Variants in POU2F1 observed in about 807,000 individuals in gnomAD.
POU2F1 encodes the protein POU class 2 homeobox 1, also known as POU domain, class 2, transcription factor 1.
A neutral mutation model predicts 84.9 loss-of-function variants in POU2F1; 16 were observed. The observed-to-expected ratio is 0.19, with a 90% CI of 0.13 to 0.29. The LOEUF (loss-of-function observed/expected upper bound fraction) is 0.29. Ranked by LOEUF, POU2F1 falls within the 10% of genes least tolerant of loss-of-function variation. The probability of loss-of-function intolerance (pLI) is 1.00; values close to 1 mark genes in which losing one functional copy is unlikely to be tolerated. For missense variants in POU2F1, 738 were observed against 942.6 expected (o/e 0.78, Z 2.84); for synonymous variants, 368 against 368.3 (o/e 1.00, Z 0.01).
intron 5 of POU2F1, among the ~76,000 whole-genome samples, chr1:167,372,508 C>A (rs1245708894): frequency 6.6e-6 from 1 of 152,172 alleles, no homozygotes; most frequent in African/African-American, 2.4e-5. Flanking sequence ...CTGCAACTTA[C>A]CGTATGGCCT....
At chr1:167,373,761 AC>A (rs1400977140) in intron 5 of POU2F1, among the ~76,000 whole-genome samples, 1 of 151,814 alleles carries the variant, frequency 6.6e-6, no homozygotes, top group Non-Finnish European at 1.5e-5. Context: ...CATTCATCTG[AC>A]TAATCACTTG....
intron 1 of POU2F1, among the ~76,000 whole-genome samples, chr1:167,261,522 A>G (rs1438377450): frequency 6.6e-6 from 1 of 152,252 alleles, no homozygotes; most frequent in East Asian, 1.9e-4. Flanking sequence ...AGGGGAACAC[A>G]TTGTTTTAGA....
At chr1:167,286,401 A>G (rs1557869352) in intron 1 of POU2F1, among the ~76,000 whole-genome samples, 1 of 151,778 alleles carries the variant, frequency 6.6e-6, no homozygotes, top group South Asian at 2.1e-4. Context: ...TTCCATTCCT[A>G]CTCTCCTGTT....
At chr1:167,291,359 A>T (rs985375045) in intron 1 of POU2F1, among the ~76,000 whole-genome samples, 1 of 152,218 alleles carries the variant, frequency 6.6e-6, no homozygotes, top group African/African-American at 2.4e-5. Flanking sequence ...TTTGATTCTA[A>T]ATCTAATGAT....
chr1:167,377,927 AT>A (rs1377436526), intron 7 of POU2F1, among the ~76,000 whole-genome samples: 1 of 151,670 alleles, frequency 6.6e-6, no homozygotes, highest in African/African-American at 2.4e-5. Flanking sequence ...TATGCACCAC[AT>A]TTTTTTTAAT....
At chr1:167,332,620 G>C in intron 2 of POU2F1, 85 bp downstream of exon 2, 10 of 1,082,846 alleles carry the variant, frequency 9.2e-6, no homozygotes, top group East Asian at 2.4e-5. Flanking sequence ...CTTGTATTTG[G>C]CAAATACAGA....
chr1:167,365,534 C>T lies in POU2F1; in HGVS notation c.195C>T (p.Ala65=), dbSNP rs1260601046. The T allele has an allele frequency of 7.5e-6, 12 of 1,601,696 alleles. No individual in the cohort carries two copies. The highest frequency in any genetic ancestry group is 1.0e-5 in the Non-Finnish European group (12 of 1,174,582). ...PVPVGGAIST[A]QAQAFLGHLH... is the part of the protein sequence containing the mutation. ...CTGTAGGAGGAGCAATCTCAACAGC[C>T]CAGGCGCAGGCTTTCCTTGGACATC... The change falls in exon 3 of 16, where the codon GCC becomes GCT. Residue 65 remains alanine, a synonymous_variant. Transcript: ENST00000367866.
At chr1:167,320,625 A>G (rs868693099) in intron 1 of POU2F1, among the ~76,000 whole-genome samples, 3 of 152,118 alleles carry the variant, frequency 2.0e-5, no homozygotes, top group Non-Finnish European at 2.9e-5. Context: ...TAGCAATTTG[A>G]TCCAAATAAG....
intron 3 of POU2F1, among the ~76,000 whole-genome samples, chr1:167,367,820 A>C (rs916403567): frequency 7.3e-5 from 11 of 151,058 alleles, no homozygotes; most frequent in African/African-American, 2.7e-4. Context: ...ATGAGGTCTT[A>C]TTATGTTGCC....
At chr1:167,222,023 C>A (rs1044609584) in intron 1 of POU2F1, among the ~76,000 whole-genome samples, 2 of 152,158 alleles carry the variant, frequency 1.3e-5, no homozygotes, top group South Asian at 4.1e-4. Flanking sequence ...CGCTGCCCCC[C>A]CTCCGTTCCC....
chr1:167,320,102 T>A (rs1362723576), intron 1 of POU2F1, among the ~76,000 whole-genome samples: 2 of 150,334 alleles, frequency 1.3e-5, no homozygotes, highest in Non-Finnish European at 2.9e-5. Flanking sequence ...TACTCCTAAC[T>A]GCTGTTTGCA....
At chr1:167,293,881 G>A (rs184660057) in intron 1 of POU2F1, among the ~76,000 whole-genome samples, 2 of 152,248 alleles carry the variant, frequency 1.3e-5, no homozygotes, top group African/African-American at 2.4e-5. Context: ...TTAATAAATG[G>A]TGCTGGGAGA....
intron 9 of POU2F1, among the ~76,000 whole-genome samples, chr1:167,393,530 C>T (rs1364081198): frequency 6.6e-6 from 1 of 151,952 alleles, no homozygotes; most frequent in African/African-American, 2.4e-5. Flanking sequence ...GAGGGTCTCA[C>T]TCTCTTGGCT....
chr1:167,346,181 T>A (rs185361539), intron 2 of POU2F1, among the ~76,000 whole-genome samples: 208 of 151,686 alleles, frequency 1.4e-3, no homozygotes, highest in African/African-American at 3.8e-3. Flanking sequence ...GATTTTTTTT[T>A]AAAAAAAGAA....
intron 1 of POU2F1, among the ~76,000 whole-genome samples, chr1:167,232,245 G>A (rs564808663): frequency 5.3e-5 from 8 of 152,260 alleles, no homozygotes; most frequent in Admixed American, 1.3e-4. Flanking sequence ...ATCACGTACC[G>A]CATAATGACT....
intron 3 of POU2F1, among the ~76,000 whole-genome samples, chr1:167,367,641 C>A (rs981868649): frequency 1.3e-5 from 2 of 152,126 alleles, no homozygotes; most frequent in African/African-American, 4.8e-5. Context: ...AACAATAGAA[C>A]AGTGTTCATC....
chr1:167,354,597 T>A (rs1372417307), intron 2 of POU2F1, among the ~76,000 whole-genome samples: 1 of 152,182 alleles, frequency 6.6e-6, no homozygotes, highest in Non-Finnish European at 1.5e-5. Flanking sequence ...ATTTTCTTAA[T>A]AGTGTTATTG....
At chr1:167,355,625 A>G (rs1658884320) in intron 2 of POU2F1, among the ~76,000 whole-genome samples, 1 of 152,188 alleles carries the variant, frequency 6.6e-6, no homozygotes, top group South Asian at 2.1e-4. Context: ...CATTTTTACA[A>G]TATTGAGCTG....
chr1:167,248,533 A>G (rs1571161742), intron 1 of POU2F1, among the ~76,000 whole-genome samples: 1 of 152,216 alleles, frequency 6.6e-6, no homozygotes, highest in Non-Finnish European at 1.5e-5. Context: ...TGTGAAGGAT[A>G]TAAATCCTGT....
Sources: allele counts gnomAD v4.1 joint callset (sites outside exome capture counted in the v4.1 genomes callset), GRCh38; gene constraint gnomAD v4.1.1; transcripts MANE v1.5; gene names NCBI Gene and HGNC (gene_info 2026-07-23, HGNC 2026-07-21).